The following MKRN1 variants were observed in gnomAD, a reference collection of about 807,000 sequenced individuals.
MKRN1 encodes E3 ubiquitin-protein ligase makorin-1.
In MKRN1, 9 loss-of-function variants were observed where a neutral mutation model predicts 55.5. That is an observed-to-expected ratio of 0.16 (90% CI 0.10 to 0.28). The LOEUF (loss-of-function observed/expected upper bound fraction) is 0.28, where lower values mean the gene tolerates loss of function less well. Among genes scored for constraint, MKRN1 ranks in the 10% least tolerant of loss-of-function variants. The pLI is 1.00. For missense variants in MKRN1, 488 were observed against 626.7 expected (o/e 0.78, Z 2.36); for synonymous variants, 253 against 235.9 (o/e 1.07, Z -0.66).
Position 140,479,427 on chromosome 7 carries a change from G to T in MKRN1, c.-83C>A. The stretch of plus-strand genomic sequence containing the variant: ...CCGGCTGCGGGGAGAGGACGGCGAG[G>T]CCAGGCGAGGGGAGGGGAAGGACAC... On this transcript the variant is annotated 5_prime_UTR_variant, in exon 1 of 8. Transcript: ENST00000255977. 2 of 1,237,544 alleles carry T rather than the reference G, an allele frequency of 1.6e-6. No individual in the cohort carries two copies. Among genetic ancestry groups the T allele is most frequent in the Non-Finnish European group, 2.0e-6 (2 of 982,404 alleles). 76.7% of individuals were successfully genotyped at this position (1,237,544 alleles called of 1,614,324 possible).
chr7:140,470,149 A>C (rs1406687561), intron 2 of MKRN1, among the ~76,000 whole-genome samples: 2 of 150,356 alleles, frequency 1.3e-5, no homozygotes, highest in Non-Finnish European at 3.0e-5. Context: ...CGAACGCGGG[A>C]GGCAGAGGTT....
chr7:140,471,329 A>G (rs1366810517), intron 2 of MKRN1, among the ~76,000 whole-genome samples: 2 of 152,054 alleles, frequency 1.3e-5, no homozygotes, highest in Non-Finnish European at 2.9e-5. Flanking sequence ...GTGAGAAGTG[A>G]CCACACCACT....
chr7:140,477,177 G>C (rs1795148846), intron 1 of MKRN1, among the ~76,000 whole-genome samples: 1 of 151,252 alleles, frequency 6.6e-6, no homozygotes, highest in South Asian at 2.1e-4. Context: ...GATCATGTTG[G>C]TACCTAGAAC....
At chr7:140,474,721 CTTTT>C (rs10706027) in intron 1 of MKRN1, among the ~76,000 whole-genome samples, 1 of 139,064 alleles carries the variant, frequency 7.2e-6, no homozygotes, top group Non-Finnish European at 1.6e-5. Context: ...TTCCTTCTTT[CTTTT>C]TTTTTTTTTT....
At chr7:140,471,120 T>G (rs917944273) in intron 2 of MKRN1, among the ~76,000 whole-genome samples, 2 of 152,150 alleles carry the variant, frequency 1.3e-5, no homozygotes, top group Middle Eastern at 3.2e-3. Flanking sequence ...CTGGGGCTCA[T>G]GCTTGTAATC....
intron 2 of MKRN1, among the ~76,000 whole-genome samples, chr7:140,463,790 G>A (rs376539828): frequency 9.9e-5 from 15 of 151,890 alleles, no homozygotes; most frequent in African/African-American, 3.4e-4. Context: ...GAGGCTGAGG[G>A]AGGAGAATGG....
intron 2 of MKRN1, among the ~76,000 whole-genome samples, chr7:140,469,557 A>C (rs1794862799): frequency 6.6e-6 from 1 of 152,046 alleles, no homozygotes. Context: ...TCCTCTGTTA[A>C]ATTGTTTGCT....
At chr7:140,463,506 T>C (rs796860766) in intron 2 of MKRN1, among the ~76,000 whole-genome samples, 2 of 152,352 alleles carry the variant, frequency 1.3e-5, no homozygotes, top group African/African-American at 2.4e-5. Context: ...TACCGTTAGA[T>C]AGCAACATGA....
At position 140,479,409 on chromosome 7, in the gene MKRN1, C is replaced by A; in HGVS notation, c.-65G>T. 3 of 1,254,924 alleles carry A rather than the reference C, an allele frequency of 2.4e-6. No individual in the cohort carries two copies. Among genetic ancestry groups the A allele is most frequent in the Non-Finnish European group, 2.0e-6 (2 of 994,418 alleles). 77.7% of individuals were successfully genotyped at this position (1,254,924 alleles called of 1,614,324 possible). A position where few individuals can be genotyped will look rare whatever the true frequency, so the allele number is the denominator to read the frequency against. The stretch of plus-strand genomic sequence containing the variant: ...GGATCACATAGTTCCGGTCCGGCTG[C>A]GGGGAGAGGACGGCGAGGCCAGGCG... On this transcript the variant is annotated 5_prime_UTR_variant, in exon 1 of 8. Transcript: ENST00000255977.
At position 140,473,210 on chromosome 7, in the gene MKRN1, C is replaced by CAAAAAAA. The variant is rs534529617; in HGVS notation, c.186-1206_186-1200dup. 362 of 370,334 alleles carry CAAAAAAA rather than the reference C, an allele frequency of 9.8e-4. 3 individuals are homozygous for CAAAAAAA. Among genetic ancestry groups the CAAAAAAA allele is most frequent in the East Asian group, 8.3e-3 (103 of 12,410 alleles). The allele number at this position is 370,334 out of a possible 1,614,324, so 22.9% of individuals were successfully genotyped here. ...ATGTCTTGTTTTTAAATGATACCACCAAAAAAAAAAAAAAAAACATCATCC... is the reference window on the plus strand; with the variant it reads ...ATGTCTTGTTTTTAAATGATACCACCAAAAAAAAAAAAAAAAAAAAAAAACATCATCC... On this transcript the variant is annotated intron_variant, in intron 1 of 7. Transcript: ENST00000255977.
chr7:140,456,376 G>C, intron 5 of MKRN1: 1 of 1,298,262 alleles, frequency 7.7e-7, no homozygotes, highest in East Asian at 3.7e-5. Flanking sequence ...TGTTCACTGA[G>C]CCTAAACTGG....
chr7:140,455,976 TCGCC>T (rs1794454790), intron 5 of MKRN1, 76 bp from the exon 6 acceptor site: 2 of 1,330,794 alleles, frequency 1.5e-6, no homozygotes, highest in Non-Finnish European at 2.2e-6. Context: ...CCCTGGTGTG[TCGCC>T]TCCAGACTTA....
chr7:140,460,341 G>C (rs1794586619), intron 2 of MKRN1: 1 of 116,908 alleles, frequency 8.6e-6, no homozygotes, highest in Non-Finnish European at 1.6e-5. Flanking sequence ...ATGGAGTCTT[G>C]CTCTGTCATC....
rs1313378671 is a variant in MKRN1 at position 140,456,705 on chromosome 7, G to C, written c.933C>G (p.Leu311=). The change falls in exon 5 of 8, where the codon CTC becomes CTG. Residue 311 remains leucine (L), a synonymous_variant. Transcript: ENST00000255977. ...CACTCCTCCACTTGCGAATGCACTT[G>C]AGACAGTAGGTGTGGTTGCAGTTGG... The part of the protein sequence containing the change: ...ILSNCNHTYC[L]KCIRKWRSAK... 7 of 1,614,116 alleles carry C rather than the reference G, an allele frequency of 4.3e-6. No homozygotes were observed. The highest frequency in any genetic ancestry group is 5.1e-6 in the Non-Finnish European group (6 of 1,179,992).
At chr7:140,472,764 A>C (rs1240803807) in intron 1 of MKRN1, among the ~76,000 whole-genome samples, 5 of 151,848 alleles carry the variant, frequency 3.3e-5, no homozygotes, top group Non-Finnish European at 5.9e-5. Context: ...ACTCTGTCTC[A>C]AAAAAATGTA....
intron 2 of MKRN1, among the ~76,000 whole-genome samples, chr7:140,464,004 G>C (rs979042138): frequency 6.6e-6 from 1 of 152,100 alleles, no homozygotes; most frequent in Non-Finnish European, 1.5e-5. Flanking sequence ...TGCAATCTCA[G>C]CTCACCGGCT....
chr7:140,455,699 G>A, intron 6 of MKRN1, 91 bp downstream of exon 6: 1 of 998,792 alleles, frequency 1.0e-6, no homozygotes, highest in Non-Finnish European at 1.6e-6. Context: ...GTAGGAAGGA[G>A]GTAGGAGTGT....
intron 2 of MKRN1, among the ~76,000 whole-genome samples, chr7:140,471,276 C>A (rs7811221): frequency 0.11 from 16,387 of 151,764 alleles, 2,806 homozygotes; most frequent in African/African-American, 0.37. Flanking sequence ...ACTTGGGAGG[C>A]TGAGGTGAGA....
chr7:140,474,599 T>G (rs1795065343), intron 1 of MKRN1: 2 of 163,306 alleles, frequency 1.2e-5, no homozygotes, highest in South Asian at 2.5e-4. Flanking sequence ...ATAATCTTTT[T>G]AATACCATTT....
Sources: gnomAD v4.1 joint callset for allele counts (sites outside exome capture counted in the v4.1 genomes callset) on GRCh38, gnomAD v4.1.1 for gene constraint, MANE v1.5 for transcripts, NCBI Gene and HGNC (gene_info 2026-07-23, HGNC 2026-07-21) for gene names.